PBXIP1: variants seen among roughly 807,000 people sequenced by gnomAD.
PBXIP1 encodes the protein pre-B-cell leukemia transcription factor-interacting protein 1.
Under a neutral mutation model 73.7 loss-of-function variants are expected in PBXIP1, and 73 were observed. The observed-to-expected ratio is 0.99, with a 90% CI of 0.82 to 1.20. PBXIP1 has a LOEUF of 1.20. Among genes scored for constraint, PBXIP1 ranks in the 50% most tolerant of loss-of-function variants. The pLI is 0.00. For missense variants in PBXIP1, 818 were observed against 911.4 expected, an observed-to-expected ratio of 0.90 and a Z score of 1.32; for synonymous variants, 330 against 366.9, an observed-to-expected ratio of 0.90 and a Z score of 1.15.
rs1327443236 is a variant in PBXIP1, at chr1:154,947,904, C to G, written c.667+78G>C. ...TAACTGAGAAATAAATGTGAGCCCC[C>G]AGCACCCCTACTCCTGACCCACAGA... On this transcript the variant is annotated intron_variant, in intron 7 of 10. Transcript: ENST00000368463. 9.4e-6 allele frequency: 14 copies of G among 1,496,594 alleles called. 1 individual carries two copies. The highest frequency in any genetic ancestry group is 1.2e-5 in the Non-Finnish European group (13 of 1,073,874). 92.7% of individuals were successfully genotyped at this position (1,496,594 alleles called of 1,614,324 possible). A position where few individuals can be genotyped will look rare whatever the true frequency, so the allele number is the denominator to read the frequency against.
At chr1:154,950,652 T>C (rs1163997752) in intron 5 of PBXIP1, among the ~76,000 whole-genome samples, 1 of 152,256 alleles carries the variant, frequency 6.6e-6, no homozygotes, top group African/African-American at 2.4e-5. Flanking sequence ...ACTCCTTTGC[T>C]GATGCTGCAG....
At position 154,951,408 on chromosome 1, in the gene PBXIP1, T is replaced by C. The variant is rs1420797842; in HGVS notation, c.244-11A>G. 9.3e-6 allele frequency: 15 copies of C among 1,613,982 alleles called. No homozygotes were observed. Among genetic ancestry groups the C allele is most frequent in the African/African-American group, 1.3e-5 (1 of 74,914 alleles). ...ACCTTCCAGGGTGCCCTAATGCAGA[T>C]GCAGCAGTGAGCAGCTGCTAGCCCT... On this transcript the variant is annotated splice_polypyrimidine_tract_variant and intron_variant, in intron 4 of 10. Coordinates refer to ENST00000368463, the MANE Select transcript of PBXIP1 (RefSeq NM_020524.4). The surrounding 1 kb of genome is among the most constrained non-coding windows in gnomAD (Gnocchi z 4.3).
At position 154,945,121 on chromosome 1, in the gene PBXIP1, T is replaced by C. The variant is rs908629951; in HGVS notation, c.2103-4A>G. 1 of 1,609,842 alleles carries C rather than the reference T, an allele frequency of 6.2e-7. No individual in the cohort carries two copies. Among genetic ancestry groups the C allele is most frequent in the African/African-American group, 1.3e-5 (1 of 74,932 alleles). ...GTGCTTGTCCTTCTTCCCTGACCTG[T>C]GGGGAGGAAGAGGCCTTTAGGGGAC... On this transcript the variant is annotated splice_region_variant and splice_polypyrimidine_tract_variant and intron_variant, in intron 10 of 10. Transcript: ENST00000368463.
rs1274708001 is a variant in PBXIP1 at position 154,946,763 on chromosome 1, T to C, written c.911A>G (p.Lys304Arg). Residue 304 changes from lysine (K) to arginine (R), a missense_variant, in exon 10 of 11, where the codon AAA (lysine) becomes AGA (arginine). Transcript: ENST00000368463. Reference protein sequence around the residue: ...EELQSLMHQPKGLEEENAQLR... With the variant: ...EELQSLMHQPRGLEEENAQLR... The stretch of plus-strand genomic sequence containing the variant: ...CTGGGCATTCTCCTCCTCTAGCCCT[T>C]TGGGCTGGTGCATCAGGCTCTGAAG... 2 of 1,570,168 alleles carry C rather than the reference T, an allele frequency of 1.3e-6. No individual in the cohort carries two copies. Among genetic ancestry groups the C allele is most frequent in the Non-Finnish European group, 1.7e-6 (2 of 1,156,348 alleles).
Position 154,945,074 on chromosome 1 carries a change from C to T in PBXIP1, c.2146G>A (p.Gly716Arg), listed in dbSNP as rs535772476. The change falls in exon 11 of 11, where the codon GGG becomes AGG. Residue 716 changes from glycine to arginine, a missense_variant. Transcript: ENST00000368463. ...DKHSQSPRAAGPREGHSHSHH... is the reference protein window; with the variant it reads ...DKHSQSPRAARPREGHSHSHH... ...CTATGGCTGTGCCCCTCCCTGGGCC[C>T]CGCAGCTCTTGGGCTCTGTGAGTGC... 5.0e-6 allele frequency: 8 copies of T among 1,614,112 alleles called. No homozygotes were observed. In the East Asian group the frequency reaches 1.3e-4, roughly 27 times the overall value.
Position 154,945,635 on chromosome 1 carries a change from T to C in PBXIP1, c.2039A>G (p.Glu680Gly). The C allele has an allele frequency of 6.2e-7, 1 of 1,614,034 alleles. No homozygotes were observed. Among genetic ancestry groups the C allele is most frequent in the Non-Finnish European group, 8.5e-7 (1 of 1,179,902 alleles). The stretch of plus-strand genomic sequence containing the variant: ...GATGAAGTCCTCAAAGTCATCTACT[T>C]CATCATCATCACCTGTCTGTTGCAC... The part of the protein sequence containing the change: ...VAVQQTGDDD[E>G]VDDFEDFIFS... Residue 680 changes from glutamate to glycine, a missense_variant, in exon 10 of 11, where the codon GAA becomes GGA. Glu to Gly is a moderately conservative substitution (Grantham distance 98, BLOSUM62 -2). Transcript: ENST00000368463.
Position 154,951,988 on chromosome 1 carries a change from C to T in PBXIP1, c.52-67G>A, listed in dbSNP as rs1158882804. 5 of 1,534,406 alleles carry T rather than the reference C, an allele frequency of 3.3e-6. No homozygotes were observed. The highest frequency in any genetic ancestry group is 1.2e-5 in the South Asian group (1 of 81,224). ...GGGGCCCCAGCCCACATCCCAGAAA[C>T]ACACACATTCAGTCATGAGCTGGCC... On this transcript the variant is annotated intron_variant, in intron 2 of 10. Coordinates refer to ENST00000368463, the MANE Select transcript of PBXIP1 (RefSeq NM_020524.4). This position sits in a 1 kb window ranked among gnomAD's most constrained non-coding sequence, Gnocchi z 4.3.
chr1:154,953,698 A>T lies in PBXIP1; in HGVS notation c.24T>A (p.Asp8Glu). The change falls in exon 2 of 11, where the codon GAT (aspartate) becomes GAA (glutamate). Residue 8 changes from aspartate (D) to glutamate (E), a missense_variant. Asp to Glu is a conservative substitution (Grantham distance 45). Coordinates refer to ENST00000368463, the MANE Select transcript of PBXIP1 (RefSeq NM_020524.4). MASCPDS[D>E]NSWVLAGSES... Reference sequence around the variant, plus strand: ...CGGAGCCAGCAAGCACCCAGCTATTATCAGAGTCTGGGCAGGAGGCCATAG... The same window carrying T: ...CGGAGCCAGCAAGCACCCAGCTATTTTCAGAGTCTGGGCAGGAGGCCATAG... 6.2e-7 allele frequency: 1 copy of T among 1,613,314 alleles called. No homozygotes were observed. The highest frequency in any genetic ancestry group is 2.2e-5 in the East Asian group (1 of 44,864).
intron 2 of PBXIP1, 132 bp from the exon 3 acceptor site, chr1:154,952,053 C>T: frequency 1.1e-6 from 1 of 911,974 alleles, no homozygotes. Context: ...CTCGGCATTC[C>T]CCAGCCTCAC....
chr1:154,945,442 C>A, intron 10 of PBXIP1, 130 bp downstream of exon 10: 1 of 980,178 alleles, frequency 1.0e-6, no homozygotes, highest in East Asian at 2.4e-5. Flanking sequence ...AGGAAGCGGA[C>A]CTGAATGCCT....
intron 9 of PBXIP1, 166 bp downstream of exon 9, chr1:154,947,251 A>G (rs1654856853): frequency 2.6e-6 from 2 of 782,136 alleles, no homozygotes; most frequent in Non-Finnish European, 4.3e-6. Context: ...AAACCTTAGC[A>G]CAAGGGATGT....
chr1:154,945,617 T>C lies in PBXIP1; in HGVS notation c.2057A>G (p.Asp686Gly). Residue 686 changes from aspartate (D) to glycine (G), a missense_variant, in exon 10 of 11, where the codon GAC (aspartate) becomes GGC (glycine). By Grantham distance (94) the Asp-to-Gly change is moderately conservative (BLOSUM62 -1). Coordinates refer to ENST00000368463, the MANE Select transcript of PBXIP1 (RefSeq NM_020524.4). ...GDDDEVDDFE[D>G]FIFSHFFGDK... ...TCCAAAGAAGTGGCTGAAGATGAAG[T>C]CCTCAAAGTCATCTACTTCATCATC... 2.5e-6 allele frequency: 4 copies of C among 1,614,118 alleles called. 1 individual carries two copies. Among genetic ancestry groups the C allele is most frequent in the Non-Finnish European group, 8.5e-7 (1 of 1,179,970 alleles).
In PBXIP1 at chr1:154,944,864, C is replaced by T. The variant is rs1654747023; in HGVS notation, c.*160G>A. 5.0e-6 allele frequency: 3 copies of T among 594,544 alleles called. No homozygotes were observed. Among genetic ancestry groups the T allele is most frequent in the Non-Finnish European group, 9.0e-6 (3 of 333,608 alleles). The allele number at this position is 594,544 out of a possible 1,614,324, so 36.8% of individuals were successfully genotyped here. On this transcript the variant is annotated 3_prime_UTR_variant, in exon 11 of 11. Coordinates refer to ENST00000368463, the MANE Select transcript of PBXIP1 (RefSeq NM_020524.4). ...CAGGTCCAGCTAAGGCCTTTTTCTA[C>T]ATAAAGTGACATCAGTGCAGGGCTG... is the stretch of plus-strand genomic sequence containing the variant.
intron 9 of PBXIP1, 189 bp downstream of exon 9, chr1:154,947,228 C>T (rs948788454): frequency 5.0e-5 from 33 of 664,858 alleles, no homozygotes; most frequent in Non-Finnish European, 7.3e-5. Context: ...AACAGGTATG[C>T]CAGCCCTGGC....
chr1:154,952,856 C>A (rs998173419), intron 2 of PBXIP1, among the ~76,000 whole-genome samples: 10 of 152,158 alleles, frequency 6.6e-5, no homozygotes, highest in Non-Finnish European at 1.0e-4. Context: ...CCAGCGTCAT[C>A]CCCAAGGTCA....
At chr1:154,950,527 T>C (rs886852339) in intron 5 of PBXIP1, 3 of 152,500 alleles carry the variant, frequency 2.0e-5, no homozygotes, top group Non-Finnish European at 2.9e-5. Context: ...ACCACTGCAG[T>C]TGCCTCCTAA....
chr1:154,954,750 G>A (rs942179592), intron 1 of PBXIP1, among the ~76,000 whole-genome samples: 15 of 152,178 alleles, frequency 9.9e-5, no homozygotes, highest in African/African-American at 3.1e-4. Flanking sequence ...AGAAGAGAGG[G>A]ATCCGCCCCT....
At chr1:154,955,046 A>T in intron 1 of PBXIP1, 1 of 710,868 alleles carries the variant, frequency 1.4e-6, no homozygotes. Flanking sequence ...CCTGCCAGTC[A>T]AGATCCAAGT....
At chr1:154,952,403 C>T (rs1456556385) in intron 2 of PBXIP1, among the ~76,000 whole-genome samples, 1 of 152,074 alleles carries the variant, frequency 6.6e-6, no homozygotes, top group East Asian at 1.9e-4. Context: ...GCCCCTGACA[C>T]TCCCCCGACA....
Sources: gnomAD v4.1 joint callset for allele counts (sites outside exome capture counted in the v4.1 genomes callset) on GRCh38, gnomAD v4.1.1 for gene constraint, Gnocchi (gnomAD v3.1) non-coding constraint, MANE v1.5 for transcripts, NCBI Gene and HGNC (gene_info 2026-07-23, HGNC 2026-07-21) for gene names.